Variants in ASB3 observed in about 807,000 individuals in gnomAD.
ASB3 encodes the protein ankyrin repeat and SOCS box containing 3.
Under a neutral mutation model 54.5 loss-of-function variants are expected in ASB3, and 41 were observed. The observed-to-expected ratio is 0.75, with a 90% CI of 0.59 to 0.98. The LOEUF (loss-of-function observed/expected upper bound fraction) is 0.98, where lower values mean the gene tolerates loss of function less well. ASB3 is among the 50% of genes least tolerant of loss of function. The pLI is 0.00. For synonymous variants in ASB3, 266 were observed against 221.2 expected (o/e 1.20, Z -1.80); for missense variants, 733 against 620.0 (o/e 1.18, Z -1.94).
chr2:53,734,643 G>C (rs915438697), intron 3 of ASB3, among the ~76,000 whole-genome samples: 1 of 152,168 alleles, frequency 6.6e-6, no homozygotes, highest in African/African-American at 2.4e-5. Flanking sequence ...TTCATGTAAA[G>C]CTATTCCCTT....
intron 3 of ASB3, among the ~76,000 whole-genome samples, chr2:53,734,808 C>T (rs1302921195): frequency 7.2e-5 from 11 of 152,260 alleles, no homozygotes; most frequent in African/African-American, 2.6e-4. Flanking sequence ...TCTCTAACAA[C>T]TCATTCTTCT....
chr2:53,760,815 T>A (rs1463460417), intron 2 of ASB3, among the ~76,000 whole-genome samples: 3 of 152,190 alleles, frequency 2.0e-5, no homozygotes. Flanking sequence ...AATCCCTGTA[T>A]CTTTAACCTC....
chr2:53,685,104 G>A (rs1280609358), intron 9 of ASB3, among the ~76,000 whole-genome samples: 1 of 152,194 alleles, frequency 6.6e-6, no homozygotes, highest in African/African-American at 2.4e-5. Context: ...CCTTGCTAGA[G>A]TTTGTCCTTT....
chr2:53,679,414 G>T (rs932752200), intron 9 of ASB3, among the ~76,000 whole-genome samples: 2 of 151,932 alleles, frequency 1.3e-5, no homozygotes, highest in African/African-American at 4.8e-5. Flanking sequence ...TGGTCTTATG[G>T]GCTTTTTTTT....
At position 53,737,429 on chromosome 2, in the gene ASB3, A is replaced by C. The variant is rs547510990; in HGVS notation, c.356-7859T>G. On this transcript the variant is annotated intron_variant, in intron 3 of 9. Transcript: ENST00000263634. ...GGCCCTAGAGAAGAGTGAATTGTGC[A>C]GACAGGAGGCCTCTGTGTGGAAGTT... Among the ~76,000 whole-genome samples the C allele has an allele frequency of 6.6e-5, 10 of 152,294 alleles. No homozygotes were observed. In the East Asian group the frequency reaches 1.9e-3, roughly 29 times the overall value.
At chr2:53,713,579 T>C (rs1024197670) in intron 7 of ASB3, among the ~76,000 whole-genome samples, 1 of 152,166 alleles carries the variant, frequency 6.6e-6, no homozygotes, top group African/African-American at 2.4e-5. Flanking sequence ...ATAATTAATT[T>C]GGGGGCGTTT....
At chr2:53,760,268 A>C (rs1673070618) in intron 2 of ASB3, among the ~76,000 whole-genome samples, 1 of 152,236 alleles carries the variant, frequency 6.6e-6, no homozygotes, top group Non-Finnish European at 1.5e-5. Context: ...TATGGAGAGA[A>C]AGGGAATTCC....
At chr2:53,697,479 G>A (rs772175541) in intron 8 of ASB3, among the ~76,000 whole-genome samples, 10 of 151,996 alleles carry the variant, frequency 6.6e-5, no homozygotes, top group African/African-American at 1.9e-4. Context: ...TTTCTTGCAC[G>A]AGATCCAAGA....
At chr2:53,710,820 A>T (rs1670052502) in intron 7 of ASB3, among the ~76,000 whole-genome samples, 2 of 152,154 alleles carry the variant, frequency 1.3e-5, no homozygotes, top group South Asian at 2.1e-4. Context: ...TGATAGTTCA[A>T]ATCTTACTTT....
At chr2:53,752,549 T>C (rs1442294599) in intron 2 of ASB3, among the ~76,000 whole-genome samples, 4 of 152,214 alleles carry the variant, frequency 2.6e-5, no homozygotes, top group Admixed American at 1.3e-4. Flanking sequence ...TCCACATTGA[T>C]TTATTTCCCT....
At chr2:53,696,337 CA>C (rs1669179724) in intron 8 of ASB3, among the ~76,000 whole-genome samples, 1 of 152,126 alleles carries the variant, frequency 6.6e-6, no homozygotes, top group Admixed American at 6.5e-5. Context: ...ATACAGCACA[CA>C]CCCAATGGCT....
At chr2:53,686,418 T>C (rs1196984962) in intron 9 of ASB3, among the ~76,000 whole-genome samples, 8 of 152,206 alleles carry the variant, frequency 5.3e-5, no homozygotes, top group East Asian at 1.9e-4. Context: ...GCCTTTTATA[T>C]ATTGGTCACC....
At chr2:53,716,169 C>T (rs1670377138) in intron 6 of ASB3, among the ~76,000 whole-genome samples, 1 of 152,102 alleles carries the variant, frequency 6.6e-6, no homozygotes, top group African/African-American at 2.4e-5. Context: ...GCACACACTC[C>T]AACAGGCATC....
intron 4 of ASB3, among the ~76,000 whole-genome samples, chr2:53,729,135 G>A (rs939616372): frequency 6.6e-6 from 1 of 152,038 alleles, no homozygotes; most frequent in African/African-American, 2.4e-5. Context: ...GCACTAAGGA[G>A]CCATCACAAT....
At chr2:53,707,094 C>T (rs567227886) in intron 7 of ASB3, among the ~76,000 whole-genome samples, 1 of 152,306 alleles carries the variant, frequency 6.6e-6, no homozygotes, top group East Asian at 1.9e-4. Context: ...ATTCTCTATA[C>T]CACTGCCATG....
At chr2:53,730,071 AT>A (rs1216657065) in intron 3 of ASB3, among the ~76,000 whole-genome samples, 6 of 152,210 alleles carry the variant, frequency 3.9e-5, no homozygotes, top group Non-Finnish European at 7.3e-5. Context: ...ATATCCATCA[AT>A]GAAAATGTAA....
chr2:53,719,649 C>T (rs1261287456), intron 5 of ASB3, among the ~76,000 whole-genome samples: 1 of 151,876 alleles, frequency 6.6e-6, no homozygotes, highest in Non-Finnish European at 1.5e-5. Flanking sequence ...ATAAACACTC[C>T]AAGCTTGTGA....
intron 3 of ASB3, among the ~76,000 whole-genome samples, chr2:53,747,354 T>C (rs922826836): frequency 6.6e-6 from 1 of 152,176 alleles, no homozygotes; most frequent in Non-Finnish European, 1.5e-5. Flanking sequence ...CAGATTAGCC[T>C]GGCCAACATG....
At chr2:53,748,476 C>A (rs1672346898) in intron 3 of ASB3, 1 of 152,150 alleles carries the variant, frequency 6.6e-6, no homozygotes, top group African/African-American at 2.4e-5. Context: ...CTACATTAAA[C>A]CAAAGCTTCC....
Sources: allele counts gnomAD v4.1 joint callset (sites outside exome capture counted in the v4.1 genomes callset), GRCh38; gene constraint gnomAD v4.1.1; transcripts MANE v1.5; gene names NCBI Gene and HGNC (gene_info 2026-07-23, HGNC 2026-07-21).